COL6A5: variants seen among roughly 807,000 people sequenced by gnomAD.
The protein encoded by COL6A5 is collagen type VI alpha 5 chain, also known as collagen alpha-5(VI) chain.
In COL6A5, 48 loss-of-function variants were observed where a neutral mutation model predicts 65.6. The ratio of observed to expected loss-of-function variants is 0.73; its 90% CI spans 0.58 to 0.93. The LOEUF (loss-of-function observed/expected upper bound fraction) is 0.93. Ranked by LOEUF, COL6A5 falls within the 40% of genes least tolerant of loss-of-function variation. The pLI, the probability that COL6A5 is intolerant of heterozygous loss-of-function variation, is 0.00. For synonymous variants in COL6A5, 291 were observed against 322.8 expected (o/e 0.90, Z 1.05); for missense variants, 914 against 928.3 (o/e 0.98, Z 0.20).
At chr3:130,351,912 G>A (rs1934730095) in intron 1 of COL6A5, among the ~76,000 whole-genome samples, 1 of 152,140 alleles carries the variant, frequency 6.6e-6, no homozygotes, top group African/African-American at 2.4e-5. Flanking sequence ...CAACCCAAAT[G>A]TCCATCAATG....
intron 5 of COL6A5, among the ~76,000 whole-genome samples, chr3:130,466,946 T>A (rs1709832902): frequency 1.3e-5 from 2 of 151,978 alleles, no homozygotes; most frequent in African/African-American, 4.8e-5. Context: ...GAGATTGAAT[T>A]TGTAGTTCAA....
At chr3:130,452,147 C>T (rs1210647962) in intron 4 of COL6A5, among the ~76,000 whole-genome samples, 1 of 152,126 alleles carries the variant, frequency 6.6e-6, no homozygotes, top group African/African-American at 2.4e-5. Context: ...CTGCATGACC[C>T]ATAGTTAACC....
intron 1 of COL6A5, among the ~76,000 whole-genome samples, chr3:130,364,279 T>C (rs1246750404): frequency 6.6e-6 from 1 of 152,130 alleles, no homozygotes; most frequent in African/African-American, 2.4e-5. Flanking sequence ...GCATATGACA[T>C]TTTAAAAAAT....
chr3:130,476,310 TA>T (rs1710096696), intron 7 of COL6A5, among the ~76,000 whole-genome samples: 1 of 152,140 alleles, frequency 6.6e-6, no homozygotes, highest in Non-Finnish European at 1.5e-5. Context: ...TGACCTCATT[TA>T]ACCTTAAATG....
At chr3:130,358,762 A>C (rs1935010229) in intron 1 of COL6A5, among the ~76,000 whole-genome samples, 1 of 152,128 alleles carries the variant, frequency 6.6e-6, no homozygotes, top group Non-Finnish European at 1.5e-5. Context: ...TTTTTGCTGC[A>C]GTTGTCTAAT....
chr3:130,388,485 GT>G, intron 5 of COL6A5, 94 bp from the exon 6 acceptor site: 1 of 1,030,468 alleles, frequency 9.7e-7, no homozygotes, highest in South Asian at 1.9e-5. Context: ...AATTTTCAAT[GT>G]TTTCTCATTA....
intron 1 of COL6A5, among the ~76,000 whole-genome samples, chr3:130,432,356 C>G (rs182684220): frequency 3.8e-4 from 58 of 152,136 alleles, no homozygotes; most frequent in African/African-American, 1.2e-3. Flanking sequence ...AGATCGAGAC[C>G]ATCCTGGCCA....
chr3:130,369,457 C>G (rs1935470908), intron 1 of COL6A5, among the ~76,000 whole-genome samples: 1 of 152,092 alleles, frequency 6.6e-6, no homozygotes, highest in Non-Finnish European at 1.5e-5. Context: ...ATTTCTTTTT[C>G]CCTTTAGTGT....
At chr3:130,389,917 A>G (rs1399828799) in intron 6 of COL6A5, among the ~76,000 whole-genome samples, 1 of 152,146 alleles carries the variant, frequency 6.6e-6, no homozygotes, top group African/African-American at 2.4e-5. Context: ...AACCCAAGTA[A>G]GTTTGTTTTG....
rs1373978161 is a variant in COL6A5 at position 130,399,371 on chromosome 3, T to TTTC, written c.3991+1262_3991+1263insCTT. Among the ~76,000 whole-genome samples, 20 of 98,400 alleles carry TTTC rather than the reference T, an allele frequency of 2.0e-4. No individual in the cohort carries two copies. The East Asian group carries it at 8.1e-3, about 40-fold the overall frequency. The allele number at this position is 98,400 out of a possible 152,430, so 64.6% of individuals were successfully genotyped here. A position where few individuals can be genotyped will look rare whatever the true frequency, so the allele number is the denominator to read the frequency against. On this transcript the variant is annotated intron_variant and NMD_transcript_variant, in intron 10 of 41. Transcript: ENST00000312481. ...ATTTCAGCCTTAACTCATTTCTTTC[T>TTTC]TTTTTTTTTTTTTTTTTGAGACAAA...
intron 14 of COL6A5, 143 bp from the exon 15 acceptor site, chr3:130,405,850 T>A: frequency 1.1e-6 from 1 of 932,802 alleles, no homozygotes; most frequent in Non-Finnish European, 1.7e-6. Context: ...TCTTTAGCAT[T>A]AATAAATTGC....
At position 130,418,854 on chromosome 3, in the gene COL6A5, T is replaced by C. The variant is rs1450031867; in HGVS notation, c.4888-15T>C. On this transcript the variant is annotated splice_polypyrimidine_tract_variant and intron_variant and NMD_transcript_variant, in intron 24 of 41. Coordinates refer to the COL6A5 transcript ENST00000312481. Reference sequence around the variant, plus strand: ...GATTTTACTGATCTGAAGCTCTTCTTGTCCCACTTACTAGGGAGAGCCTGG... The same window carrying C: ...GATTTTACTGATCTGAAGCTCTTCTCGTCCCACTTACTAGGGAGAGCCTGG... 2 of 1,549,078 alleles carry C rather than the reference T, an allele frequency of 1.3e-6. No individual in the cohort carries two copies. Among genetic ancestry groups the C allele is most frequent in the East Asian group, 4.9e-5 (2 of 40,868 alleles).
intron 6 of COL6A5, among the ~76,000 whole-genome samples, chr3:130,390,147 G>C (rs1198498143): frequency 6.6e-6 from 1 of 152,118 alleles, no homozygotes; most frequent in Admixed American, 6.6e-5. Context: ...GTACCTAAAG[G>C]CTATAGCTTC....
At chr3:130,381,957 A>G (rs1936009888) in intron 4 of COL6A5, among the ~76,000 whole-genome samples, 1 of 152,096 alleles carries the variant, frequency 6.6e-6, no homozygotes, top group Admixed American at 6.6e-5. Context: ...ACTCCTTAGT[A>G]ATCCAATTGT....
At chr3:130,436,352 C>A (rs1350142747) in intron 1 of COL6A5, among the ~76,000 whole-genome samples, 1 of 151,856 alleles carries the variant, frequency 6.6e-6, no homozygotes, top group East Asian at 1.9e-4. Context: ...TCCTTCTCTG[C>A]TACATTATTC....
chr3:130,352,391 G>A lies in COL6A5; in HGVS notation c.-29+6410G>A, dbSNP rs140891722. Among the ~76,000 whole-genome samples the A allele has an allele frequency of 5.8e-3, 886 of 151,952 alleles. 5 individuals are homozygous for A. Among genetic ancestry groups the A allele is most frequent in the South Asian group, 0.024 (116 of 4,802 alleles). ...GTGTGTGTGTTAGAGACTAACAGAT[G>A]GTAGAGAGAAAGTGATAATAACAAG... is the stretch of plus-strand genomic sequence containing the variant. On this transcript the variant is annotated intron_variant and NMD_transcript_variant, in intron 1 of 41. Coordinates refer to the COL6A5 transcript ENST00000312481.
At chr3:130,385,403 T>C (rs752949146) in intron 5 of COL6A5, 39 bp downstream of exon 5, 2 of 1,523,924 alleles carry the variant, frequency 1.3e-6, no homozygotes, top group Non-Finnish European at 8.8e-7. Flanking sequence ...CCACATTTCA[T>C]CAATTGCTTT....
Position 130,455,813 on chromosome 3 carries a change from T to C in COL6A5, c.1544+147T>C, listed in dbSNP as rs965137913. ...ATGGTAGATACAACTTCTACTTTTA[T>C]TGAAATTGAAGAAGTGAATGGTGAC... On this transcript the variant is annotated intron_variant, in intron 5 of 7. Transcript: ENST00000512836. The C allele has an allele frequency of 9.3e-6, 6 of 644,784 alleles. No homozygotes were observed. In the East Asian group the frequency reaches 1.1e-4, roughly 12 times the overall value. The allele number at this position is 644,784 out of a possible 1,614,324, so 39.9% of individuals were successfully genotyped here. A position where few individuals can be genotyped will look rare whatever the true frequency, so the allele number is the denominator to read the frequency against.
intron 7 of COL6A5, among the ~76,000 whole-genome samples, chr3:130,482,293 G>A (rs537174289): frequency 2.0e-5 from 3 of 152,096 alleles, no homozygotes; most frequent in South Asian, 2.1e-4. Flanking sequence ...ACCATTTAAC[G>A]AATAGGAGAT....
Sources: allele counts gnomAD v4.1 joint callset (sites outside exome capture counted in the v4.1 genomes callset), GRCh38; gene constraint gnomAD v4.1.1; transcripts MANE v1.5; gene names NCBI Gene and HGNC (gene_info 2026-07-23, HGNC 2026-07-21).